SEC22C: variants seen among roughly 807,000 people sequenced by gnomAD.
The protein encoded by SEC22C is vesicle-trafficking protein SEC22c.
A neutral mutation model predicts 34.7 loss-of-function variants in SEC22C; 29 were observed. The observed-to-expected ratio is 0.84, with a 90% CI of 0.62 to 1.14. The LOEUF (loss-of-function observed/expected upper bound fraction) is 1.14. Among genes scored for constraint, SEC22C ranks in the 50% most tolerant of loss-of-function variants. The pLI, the probability that SEC22C is intolerant of heterozygous loss-of-function variation, is 0.00. For synonymous variants in SEC22C, 117 were observed against 132.8 expected (o/e 0.88, Z 0.82); for missense variants, 337 against 369.0 (o/e 0.91, Z 0.71).
chr3:42,550,322 G>C lies in SEC22C; in HGVS notation c.*2926C>G, dbSNP rs1162102911. On this transcript the variant is annotated 3_prime_UTR_variant, in exon 7 of 7. Coordinates refer to ENST00000264454, the MANE Select transcript of SEC22C (RefSeq NM_032970.4). ...GCATTTAACTACTGGGAAAACAAAA[G>C]TGCTACAACAACAGTGAGTCCATGG... is the stretch of plus-strand genomic sequence containing the variant. 18 of 985,332 alleles carry C rather than the reference G, an allele frequency of 1.8e-5. No individual in the cohort carries two copies. Among genetic ancestry groups the C allele is most frequent in the Non-Finnish European group, 2.0e-5 (17 of 829,950 alleles). The allele number at this position is 985,332 out of a possible 1,614,324, so 61.0% of individuals were successfully genotyped here.
intron 2 of SEC22C, among the ~76,000 whole-genome samples, chr3:42,565,036 G>A (rs1703150284): frequency 6.6e-6 from 1 of 152,144 alleles, no homozygotes; most frequent in Admixed American, 6.5e-5. Flanking sequence ...GGGATTACAG[G>A]CGTGAACCAC....
At chr3:42,594,817 T>G in intron 1 of SEC22C, 1 of 199,588 alleles carries the variant, frequency 5.0e-6, no homozygotes, top group Non-Finnish European at 1.0e-5. Flanking sequence ...GTCTACTTTT[T>G]AGTTTCAACC....
At chr3:42,563,274 C>A (rs1208700541) in intron 3 of SEC22C, among the ~76,000 whole-genome samples, 1 of 152,214 alleles carries the variant, frequency 6.6e-6, no homozygotes, top group Admixed American at 6.5e-5. Flanking sequence ...TGGGTTATAA[C>A]CTACACGTTT....
chr3:42,576,381 CAG>C (rs1348749346), intron 1 of SEC22C, among the ~76,000 whole-genome samples: 3 of 151,900 alleles, frequency 2.0e-5, no homozygotes, highest in Non-Finnish European at 4.4e-5. Context: ...ATTTTAAAAA[CAG>C]AGAAAAATCA....
chr3:42,558,787 G>A (rs1371603330), intron 4 of SEC22C, among the ~76,000 whole-genome samples: 1 of 144,582 alleles, frequency 6.9e-6, no homozygotes, highest in Non-Finnish European at 1.6e-5. Flanking sequence ...GCAAGAACCT[G>A]TCTCAAAAAA....
At chr3:42,556,873 G>A (rs1485867256) in intron 5 of SEC22C, among the ~76,000 whole-genome samples, 1 of 151,952 alleles carries the variant, frequency 6.6e-6, no homozygotes, top group East Asian at 1.9e-4. Flanking sequence ...ACAGGCATGC[G>A]CCACCACGCC....
intron 6 of SEC22C, among the ~76,000 whole-genome samples, 174 bp downstream of exon 6, chr3:42,555,756 G>A (rs1379186540): frequency 6.6e-6 from 1 of 152,234 alleles, no homozygotes; most frequent in Admixed American, 6.5e-5. Flanking sequence ...TGTAAAATGA[G>A]AGGACTGGCC....
In SEC22C at chr3:42,548,348, G is replaced by A; in HGVS notation, c.*4900C>T. 2.0e-6 allele frequency: 1 copy of A among 489,956 alleles called. No homozygotes were observed. Among genetic ancestry groups the A allele is most frequent in the South Asian group, 3.2e-5 (1 of 30,840 alleles). The allele number at this position is 489,956 out of a possible 1,614,324, so 30.4% of individuals were successfully genotyped here. A position where few individuals can be genotyped will look rare whatever the true frequency, so the allele number is the denominator to read the frequency against. ...AACCCCAGAATCATATAAATGTAAG[G>A]GTTAAAGGTCATATGTACTAAGCAT... On this transcript the variant is annotated 3_prime_UTR_variant, in exon 7 of 7. Transcript: ENST00000264454.
Position 42,551,757 on chromosome 3 carries a change from A to G in SEC22C, c.*1491T>C, listed in dbSNP as rs1024506504. The stretch of plus-strand genomic sequence containing the variant: ...ATATAAACTTATTTTTCTTAAAATG[A>G]TAACAAGGTAGCTCAATAACAATAC... On this transcript the variant is annotated 3_prime_UTR_variant, in exon 7 of 7. Transcript: ENST00000264454. The G allele has an allele frequency of 2.1e-6, 2 of 968,956 alleles. No homozygotes were observed. The highest frequency in any genetic ancestry group is 2.5e-6 in the Non-Finnish European group (2 of 814,888). 60.0% of individuals were successfully genotyped at this position (968,956 alleles called of 1,614,324 possible).
intron 2 of SEC22C, among the ~76,000 whole-genome samples, chr3:42,565,143 G>A (rs906231268): frequency 5.3e-5 from 8 of 152,102 alleles, no homozygotes; most frequent in Non-Finnish European, 7.4e-5. Context: ...GAGCCTCACT[G>A]TCCGCTCACA....
At chr3:42,587,731 G>A (rs1475640585) in intron 1 of SEC22C, among the ~76,000 whole-genome samples, 5 of 137,394 alleles carry the variant, frequency 3.6e-5, no homozygotes, top group African/African-American at 8.6e-5. Context: ...GCGAGACTCC[G>A]TCTCAAAAAA....
chr3:42,560,806 T>G (rs1702855252), intron 4 of SEC22C, among the ~76,000 whole-genome samples: 2 of 152,036 alleles, frequency 1.3e-5, no homozygotes, highest in African/African-American at 4.8e-5. Flanking sequence ...CTCTGGCTAA[T>G]TTTTTGTATT....
intron 1 of SEC22C, among the ~76,000 whole-genome samples, chr3:42,595,710 A>G (rs146912537): frequency 1.3e-5 from 2 of 152,256 alleles, no homozygotes. Flanking sequence ...TTGTAAGTAT[A>G]TCCAAAATTA....
upstream of SEC22C, among the ~76,000 whole-genome samples, chr3:42,583,750 G>T (rs1208527939): frequency 6.6e-6 from 1 of 152,182 alleles, no homozygotes; most frequent in Non-Finnish European, 1.5e-5. Flanking sequence ...GCAGAGGAAA[G>T]GCAAATTCTC....
Position 42,551,369 on chromosome 3 carries a change from T to C in SEC22C, c.*1879A>G. On this transcript the variant is annotated 3_prime_UTR_variant, in exon 7 of 7. Transcript: ENST00000264454. ...ATATTCAGACTTTTTAGAGACAGGG[T>C]TTCACTCTGTCATGCAGGCTGGGGT... is the stretch of plus-strand genomic sequence containing the variant. The C allele has an allele frequency of 1.0e-6, 1 of 982,850 alleles. No homozygotes were observed. Among genetic ancestry groups the C allele is most frequent in the Non-Finnish European group, 1.2e-6 (1 of 827,770 alleles). The allele number at this position is 982,850 out of a possible 1,614,324, so 60.9% of individuals were successfully genotyped here.
At chr3:42,563,276 TAC>T (rs1375712075) in intron 3 of SEC22C, among the ~76,000 whole-genome samples, 2 of 152,236 alleles carry the variant, frequency 1.3e-5, no homozygotes, top group Non-Finnish European at 2.9e-5. Context: ...GGTTATAACC[TAC>T]ACGTTTCACC....
At chr3:42,583,504 C>T (rs1378114318), upstream of SEC22C, among the ~76,000 whole-genome samples, 1 of 152,092 alleles carries the variant, frequency 6.6e-6, no homozygotes, top group East Asian at 1.9e-4. Flanking sequence ...TCTTGAGCTC[C>T]ATCTTAGACA....
chr3:42,548,325 C>A lies in SEC22C; in HGVS notation c.*4923G>T, dbSNP rs905796439. 23 of 389,184 alleles carry A rather than the reference C, an allele frequency of 5.9e-5. No homozygotes were observed. The highest frequency in any genetic ancestry group is 4.4e-4 in the African/African-American group (22 of 50,358). 24.1% of individuals were successfully genotyped at this position (389,184 alleles called of 1,614,324 possible). On this transcript the variant is annotated 3_prime_UTR_variant, in exon 7 of 7. Transcript: ENST00000264454. ...TCATGAAATAACACTTCTGAAGCAA[C>A]CCCAGAATCATATAAATGTAAGGGT...
chr3:42,557,545 T>C, intron 5 of SEC22C, 33 bp downstream of exon 5: 1 of 1,051,182 alleles, frequency 9.5e-7, no homozygotes, highest in Non-Finnish European at 1.4e-6. Flanking sequence ...TGTCCTTCAA[T>C]TTAAACTGTT....
Sources: allele counts gnomAD v4.1 joint callset (sites outside exome capture counted in the v4.1 genomes callset), GRCh38; gene constraint gnomAD v4.1.1; transcripts MANE v1.5; gene names NCBI Gene and HGNC (gene_info 2026-07-23, HGNC 2026-07-21).